The following DNAH6 variants were observed in gnomAD, a reference collection of about 807,000 sequenced individuals.
DNAH6 encodes axonemal beta dynein heavy chain 6.
A neutral mutation model predicts 491.4 loss-of-function variants in DNAH6; 340 were observed. The observed-to-expected ratio is 0.69, with a 90% CI of 0.63 to 0.76. The LOEUF is 0.76. Ranked by LOEUF, DNAH6 falls within the 30% of genes least tolerant of loss-of-function variation. The probability of loss-of-function intolerance (pLI) is 0.00; values close to 1 mark genes in which losing one functional copy is unlikely to be tolerated. For missense variants in DNAH6, 4,443 were observed against 4,972.2 expected, an observed-to-expected ratio of 0.89 and a Z score of 3.20; for synonymous variants, 1,603 against 1,686.1, an observed-to-expected ratio of 0.95 and a Z score of 1.21.
rs1210697477 is a variant in DNAH6, at chr2:84,607,040, T to G, written c.3239T>G (p.Leu1080Arg). The G allele has an allele frequency of 1.3e-6, 2 of 1,551,556 alleles. No homozygotes were observed. The highest frequency in any genetic ancestry group is 1.2e-5 in the South Asian group (1 of 84,046). Residue 1080 changes from leucine (L) to arginine (R), a missense_variant, in exon 21 of 77, where the codon CTG (leucine) becomes CGG (arginine). Physicochemically the swap from Leu to Arg is moderately radical, Grantham distance 102. Coordinates refer to ENST00000389394, the MANE Select transcript of DNAH6 (RefSeq NM_001370.2). ...TLASSRYLGP[L>R]KTRVDEWQKQ... ...GCCTCATCACGTTACCTTGGTCCAC[T>G]GAAAACTCGAGTGGATGAATGGCAA...
intron 33 of DNAH6, among the ~76,000 whole-genome samples, chr2:84,648,037 A>G (rs1380252054): frequency 2.0e-5 from 3 of 152,224 alleles, no homozygotes; most frequent in Non-Finnish European, 4.4e-5. Context: ...AATAACTCCA[A>G]GAACAGTTTT....
At chr2:84,665,471 C>T (rs979041221) in intron 37 of DNAH6, among the ~76,000 whole-genome samples, 1 of 152,266 alleles carries the variant, frequency 6.6e-6, no homozygotes, top group Non-Finnish European at 1.5e-5. Flanking sequence ...ACTATAAACA[C>T]CTCTACACAA....
intron 74 of DNAH6, among the ~76,000 whole-genome samples, 175 bp downstream of exon 74, chr2:84,813,305 G>A (rs527313278): frequency 6.6e-6 from 1 of 152,268 alleles, no homozygotes; most frequent in East Asian, 1.9e-4. Context: ...GAGGAAAGAT[G>A]GCAGAGATAG....
chr2:84,639,892 C>G (rs945743624), intron 31 of DNAH6, among the ~76,000 whole-genome samples: 2 of 152,198 alleles, frequency 1.3e-5, no homozygotes, highest in African/African-American at 4.8e-5. Context: ...GGGTCCGCTT[C>G]CAGCTCCACT....
chr2:84,722,020 A>G (rs1453062864), intron 59 of DNAH6, among the ~76,000 whole-genome samples: 1 of 152,238 alleles, frequency 6.6e-6, no homozygotes, highest in African/African-American at 2.4e-5. Context: ...CAGACCCACA[A>G]ACCCAAAATG....
At chr2:84,555,700 C>T (rs944720153) in intron 10 of DNAH6, among the ~76,000 whole-genome samples, 4 of 152,130 alleles carry the variant, frequency 2.6e-5, no homozygotes, top group African/African-American at 9.7e-5. Context: ...TTGAACTTAT[C>T]GATTTCTTCG....
chr2:84,521,851 T>C (rs971157568), intron 2 of DNAH6, among the ~76,000 whole-genome samples: 5 of 152,202 alleles, frequency 3.3e-5, no homozygotes, highest in African/African-American at 1.2e-4. Context: ...TTTGTACCAG[T>C]ACCATGTTGT....
At chr2:84,616,097 T>C (rs1000794106) in intron 22 of DNAH6, among the ~76,000 whole-genome samples, 16 of 152,138 alleles carry the variant, frequency 1.1e-4, no homozygotes, top group Non-Finnish European at 1.6e-4. Context: ...ACTTGTTTTG[T>C]GTCTTATCAT....
intron 60 of DNAH6, among the ~76,000 whole-genome samples, chr2:84,726,105 AG>A (rs1286122309): frequency 2.6e-5 from 4 of 152,312 alleles, no homozygotes; most frequent in Admixed American, 1.3e-4. Flanking sequence ...TCCTATTAGT[AG>A]AAGAGGTGGG....
intron 58 of DNAH6, 50 bp downstream of exon 58, chr2:84,715,677 T>C: frequency 6.7e-7 from 1 of 1,500,374 alleles, no homozygotes; most frequent in Non-Finnish European, 9.1e-7. Context: ...GTGGGTTTCC[T>C]AAATATTTTG....
chr2:84,681,560 C>T, intron 42 of DNAH6, 32 bp downstream of exon 42: 7 of 1,459,102 alleles, frequency 4.8e-6, no homozygotes, highest in Non-Finnish European at 6.4e-6. Flanking sequence ...TTCTGATCTG[C>T]ACCCTCCCTA....
intron 24 of DNAH6, 87 bp from the exon 25 acceptor site, chr2:84,621,104 C>T (rs1337590109): frequency 1.0e-5 from 14 of 1,373,732 alleles, no homozygotes; most frequent in Admixed American, 2.1e-5. Context: ...GTTTATGTAG[C>T]TTAGGATTCT....
intron 70 of DNAH6, among the ~76,000 whole-genome samples, chr2:84,803,648 A>G (rs966019886): frequency 3.3e-5 from 5 of 152,098 alleles, no homozygotes; most frequent in African/African-American, 4.8e-5. Flanking sequence ...CATATTTTTC[A>G]ATATTTAAAT....
chr2:84,735,253 T>C (rs1409197557), intron 62 of DNAH6, among the ~76,000 whole-genome samples: 3 of 152,252 alleles, frequency 2.0e-5, no homozygotes, highest in Non-Finnish European at 2.9e-5. Flanking sequence ...GGTTGCATAG[T>C]ATTCCATGTG....
At chr2:84,530,729 A>G (rs1677089578) in intron 4 of DNAH6, among the ~76,000 whole-genome samples, 2 of 152,172 alleles carry the variant, frequency 1.3e-5, no homozygotes, top group South Asian at 4.1e-4. Flanking sequence ...GGTAAGAAAT[A>G]GGTCTGCTTC....
At chr2:84,573,716 A>G (rs1682132343) in intron 12 of DNAH6, 129 bp downstream of exon 12, 1 of 688,942 alleles carries the variant, frequency 1.5e-6, no homozygotes, top group Admixed American at 3.1e-5. Context: ...GACATAAGGC[A>G]AGAGTTAATT....
At chr2:84,493,179 T>C in the DNAH6 span, among the ~76,000 whole-genome samples, 3 of 152,162 alleles carry the variant, frequency 2.0e-5, 1 homozygote, top group Admixed American at 2.0e-4. Flanking sequence ...ATTTGACCCA[T>C]AGATTAGAGT....
rs1413678992 is a variant in DNAH6, at chr2:84,697,603, T to C, written c.7553T>C (p.Ile2518Thr). 1.3e-5 allele frequency: 20 copies of C among 1,551,964 alleles called. No homozygotes were observed. The highest frequency in any genetic ancestry group is 1.6e-5 in the Non-Finnish European group (18 of 1,147,012). Residue 2518 changes from isoleucine to threonine, a missense_variant, in exon 47 of 77, where the codon ATA becomes ACA. Physicochemically the swap from Ile to Thr is moderately conservative, Grantham distance 89. Coordinates refer to ENST00000389394, the MANE Select transcript of DNAH6 (RefSeq NM_001370.2). Reference sequence around the variant, plus strand: ...GTAGTGGAGGAGTTCCTAGAAGATATAAATAACATCCTGAACTCAGGTGAA... The same window carrying C: ...GTAGTGGAGGAGTTCCTAGAAGATACAAATAACATCCTGAACTCAGGTGAA... ...QIVVEEFLED[I>T]NNILNSGEVP...
intron 42 of DNAH6, among the ~76,000 whole-genome samples, chr2:84,684,767 A>C (rs374525412): frequency 1.1e-4 from 16 of 152,294 alleles, no homozygotes; most frequent in African/African-American, 3.8e-4. Flanking sequence ...ATTCCTGTAC[A>C]TTGTTGCTTT....
Sources: gnomAD v4.1 joint callset for allele counts (sites outside exome capture counted in the v4.1 genomes callset) on GRCh38, gnomAD v4.1.1 for gene constraint, MANE v1.5 for transcripts, NCBI Gene and HGNC (gene_info 2026-07-23, HGNC 2026-07-21) for gene names.